Variants in VAT1L observed in about 807,000 individuals in gnomAD.
VAT1L encodes vesicle amine transport 1 like, also known as putative NADPH-dependent quinone oxidoreductase VAT1L.
A neutral mutation model predicts 44.1 loss-of-function variants in VAT1L; 34 were observed. The ratio of observed to expected loss-of-function variants is 0.77; its 90% CI spans 0.59 to 1.03. The LOEUF (loss-of-function observed/expected upper bound fraction) is 1.03, where lower values mean the gene tolerates loss of function less well. Ranked by LOEUF, VAT1L falls within the 50% of genes least tolerant of loss-of-function variation. The probability of loss-of-function intolerance (pLI) is 0.00; values close to 1 mark genes in which losing one functional copy is unlikely to be tolerated. For synonymous variants in VAT1L, 253 were observed against 202.2 expected (o/e 1.25, Z -2.13); for missense variants, 615 against 538.8 (o/e 1.14, Z -1.40).
intron 3 of VAT1L, among the ~76,000 whole-genome samples, chr16:77,826,225 A>C (rs2016521904): frequency 6.6e-6 from 1 of 151,802 alleles, no homozygotes; most frequent in African/African-American, 2.4e-5. Flanking sequence ...AAAAAAAGAA[A>C]AAGAGAAGCA....
chr16:77,877,136 C>T (rs895028816), intron 5 of VAT1L, among the ~76,000 whole-genome samples: 3 of 152,168 alleles, frequency 2.0e-5, no homozygotes, highest in African/African-American at 7.2e-5. Flanking sequence ...AAGATTTTCT[C>T]CAGCAAAATG....
chr16:77,808,846 C>G (rs1408238295), intron 1 of VAT1L, among the ~76,000 whole-genome samples: 1 of 152,180 alleles, frequency 6.6e-6, no homozygotes, highest in Non-Finnish European at 1.5e-5. Context: ...ATCCACCTGC[C>G]TCAGCCTCCC....
rs527846918 is a variant in VAT1L at position 77,883,990 on chromosome 16, G to C, written c.883-618G>C. Among the ~76,000 whole-genome samples, 15 of 152,196 alleles carry C rather than the reference G, an allele frequency of 9.9e-5. No homozygotes were observed. In the Middle Eastern group the frequency reaches 0.014, roughly 138 times the overall value. On this transcript the variant is annotated intron_variant, in intron 6 of 8. Transcript: ENST00000302536. ...TTTATACTTAATCACAGAGAACGTTGTAGAGCCACGATTCAAGTCCGGAGC... is the reference window on the plus strand; with the variant it reads ...TTTATACTTAATCACAGAGAACGTTCTAGAGCCACGATTCAAGTCCGGAGC...
intron 7 of VAT1L, among the ~76,000 whole-genome samples, chr16:77,907,963 G>A (rs1473310580): frequency 6.6e-6 from 1 of 152,190 alleles, no homozygotes; most frequent in African/African-American, 2.4e-5. Context: ...CAAAAGGGCT[G>A]GACACGGGGG....
chr16:77,815,770 C>G (rs574280345), intron 1 of VAT1L, among the ~76,000 whole-genome samples: 1 of 151,406 alleles, frequency 6.6e-6, no homozygotes, highest in Non-Finnish European at 1.5e-5. Flanking sequence ...GAGTTTGAGA[C>G]CAGCCTGGCC....
intron 1 of VAT1L, among the ~76,000 whole-genome samples, chr16:77,798,293 G>T (rs190191325): frequency 6.6e-6 from 1 of 152,226 alleles, no homozygotes; most frequent in African/African-American, 2.4e-5. Flanking sequence ...GAGGCAGTAG[G>T]CTTCTTGGTT....
At chr16:77,894,217 T>C (rs1272086923) in intron 7 of VAT1L, among the ~76,000 whole-genome samples, 2 of 152,142 alleles carry the variant, frequency 1.3e-5, no homozygotes, top group African/African-American at 2.4e-5. Context: ...GGATGAGGCA[T>C]CCACAGAAAG....
At chr16:77,931,518 A>G (rs993072699) in intron 7 of VAT1L, among the ~76,000 whole-genome samples, 1 of 152,162 alleles carries the variant, frequency 6.6e-6, no homozygotes, top group Non-Finnish European at 1.5e-5. Flanking sequence ...GAAATACTAT[A>G]TTTTCTGATG....
chr16:77,876,913 G>A (rs1178491899), intron 5 of VAT1L, among the ~76,000 whole-genome samples: 3 of 152,192 alleles, frequency 2.0e-5, no homozygotes, highest in Admixed American at 6.5e-5. Context: ...TACACACTCT[G>A]CTTCCCCTAA....
intron 7 of VAT1L, among the ~76,000 whole-genome samples, chr16:77,971,052 A>C (rs1351645867): frequency 3.3e-5 from 5 of 151,974 alleles, no homozygotes; most frequent in African/African-American, 9.7e-5. Flanking sequence ...ATTTCCACGC[A>C]GATTTCATTG....
At chr16:77,874,967 C>A (rs1434036405) in intron 4 of VAT1L, among the ~76,000 whole-genome samples, 1 of 151,980 alleles carries the variant, frequency 6.6e-6, no homozygotes, top group Non-Finnish European at 1.5e-5. Flanking sequence ...AATGCAAATC[C>A]CCACCACAGA....
At chr16:77,976,073 C>G (rs2018336921) in intron 8 of VAT1L, among the ~76,000 whole-genome samples, 1 of 152,238 alleles carries the variant, frequency 6.6e-6, no homozygotes, top group Non-Finnish European at 1.5e-5. Context: ...TTATAATATA[C>G]ACTACTAAGG....
intron 3 of VAT1L, among the ~76,000 whole-genome samples, chr16:77,848,541 G>A (rs537950869): frequency 3.3e-5 from 5 of 152,294 alleles, no homozygotes; most frequent in Non-Finnish European, 5.9e-5. Flanking sequence ...AGGGTGTTAA[G>A]CCCTTACTGA....
At chr16:77,909,929 G>A (rs1008067389) in intron 7 of VAT1L, among the ~76,000 whole-genome samples, 3 of 152,120 alleles carry the variant, frequency 2.0e-5, no homozygotes, top group East Asian at 1.9e-4. Context: ...CGGCTCCTGC[G>A]AGAACACCAC....
At chr16:77,933,738 A>C (rs2017759243) in intron 7 of VAT1L, among the ~76,000 whole-genome samples, 1 of 152,208 alleles carries the variant, frequency 6.6e-6, no homozygotes, top group Admixed American at 6.5e-5. Flanking sequence ...CTGAGGTGAC[A>C]GTGGGCTGGG....
At chr16:77,952,093 T>C (rs1465360175) in intron 7 of VAT1L, among the ~76,000 whole-genome samples, 4 of 152,300 alleles carry the variant, frequency 2.6e-5, no homozygotes, top group East Asian at 1.9e-4. Flanking sequence ...GACTGGGAGA[T>C]AGGGATGCTA....
chr16:77,948,265 G>A (rs929271946), intron 7 of VAT1L, among the ~76,000 whole-genome samples: 3 of 152,134 alleles, frequency 2.0e-5, no homozygotes, highest in Non-Finnish European at 4.4e-5. Context: ...ATGCTGCCTG[G>A]CACATAGTAG....
rs568355144 is a variant in VAT1L at position 77,915,619 on chromosome 16, C to T, written c.1077+30817C>T. ...CTTGAAGGAAGTGCATGGGTTAAAA[C>T]TGCATAAGGAAAGGCCTAGAGGCAG... On this transcript the variant is annotated intron_variant, in intron 7 of 8. Coordinates refer to ENST00000302536, the MANE Select transcript of VAT1L (RefSeq NM_020927.3). Among the ~76,000 whole-genome samples the T allele has an allele frequency of 9.3e-4, 142 of 152,250 alleles. No individual in the cohort carries two copies. In the Middle Eastern group the frequency reaches 0.017, roughly 18 times the overall value.
intron 5 of VAT1L, among the ~76,000 whole-genome samples, chr16:77,876,884 T>G (rs141911514): frequency 0.012 from 1,838 of 152,178 alleles, 29 homozygotes; most frequent in Middle Eastern, 0.051. Flanking sequence ...GGATCTTTAC[T>G]ATTTGAGAAG....
Sources: gnomAD v4.1 joint callset for allele counts (sites outside exome capture counted in the v4.1 genomes callset) on GRCh38, gnomAD v4.1.1 for gene constraint, MANE v1.5 for transcripts, NCBI Gene and HGNC (gene_info 2026-07-23, HGNC 2026-07-21) for gene names.